The following MACF1 variants were observed in gnomAD, a reference collection of about 807,000 sequenced individuals.
MACF1 encodes the protein microtubule actin crosslinking factor 1, also known as microtubule-actin cross-linking factor 1.
A neutral mutation model predicts 854.8 loss-of-function variants in MACF1; 193 were observed. That is an observed-to-expected ratio of 0.23 (90% confidence interval 0.20 to 0.25). MACF1 has a LOEUF of 0.25. Ranked by LOEUF, MACF1 falls within the 10% of genes least tolerant of loss-of-function variation. The pLI is 1.00. For missense variants in MACF1, 7,722 were observed against 8,929.1 expected (o/e 0.86, Z 5.45); for synonymous variants, 3,185 against 3,226.7 (o/e 0.99, Z 0.44).
Position 39,105,726 on chromosome 1 carries a change from G to C in MACF1, c.220+21288G>C, listed in dbSNP as rs932312514. Reference sequence around the variant, plus strand: ...GCTGGAGCGGTACAAAGGTAGGGCCGGGGACTGGCCGGCGCTGAGGCCCGC... The same window carrying C: ...GCTGGAGCGGTACAAAGGTAGGGCCCGGGACTGGCCGGCGCTGAGGCCCGC... On this transcript the variant is annotated intron_variant, in intron 2 of 93. Coordinates refer to the MACF1 transcript ENST00000361689. This position sits in a 1 kb window ranked among gnomAD's most constrained non-coding sequence, Gnocchi z 5.9. 6 of 1,159,848 alleles carry C rather than the reference G, an allele frequency of 5.2e-6. No homozygotes were observed. Among genetic ancestry groups the C allele is most frequent in the Non-Finnish European group, 6.5e-6 (6 of 918,474 alleles). 71.8% of individuals were successfully genotyped at this position (1,159,848 alleles called of 1,614,324 possible). A position where few individuals can be genotyped will look rare whatever the true frequency, so the allele number is the denominator to read the frequency against.
chr1:39,310,313 T>C lies in MACF1; in HGVS notation c.2985T>C (p.Phe995=), dbSNP rs1206764015. The C allele has an allele frequency of 1.9e-6, 3 of 1,614,058 alleles. No individual in the cohort carries two copies. Among genetic ancestry groups the C allele is most frequent in the Non-Finnish European group, 1.7e-6 (2 of 1,180,024 alleles). Residue 995 remains phenylalanine, a synonymous_variant, in exon 25 of 101, where the codon TTT becomes TTC. Transcript: ENST00000564288. ...ACCTTCAGGCCCACTATGAAGACTT[T>C]CTGCAGGATAGTCGTGACTCTGTGC... ...MKNLQAHYED[F]LQDSRDSVLF...
At chr1:39,130,051 C>T (rs562733717) in intron 2 of MACF1, among the ~76,000 whole-genome samples, 1 of 152,214 alleles carries the variant, frequency 6.6e-6, no homozygotes, top group African/African-American at 2.4e-5. Context: ...ATAGAAAGGC[C>T]CCACTCCATT....
chr1:39,360,052 T>TATATACAC (rs1197982446), intron 47 of MACF1, among the ~76,000 whole-genome samples: 4 of 49,886 alleles, frequency 8.0e-5, no homozygotes, highest in Non-Finnish European at 1.2e-4. Context: ...TATATATATA[T>TATATACAC]ACACACACAC....
In MACF1 at chr1:39,285,378, T is replaced by C. The variant is rs757507144; in HGVS notation, c.1341T>C (p.Asn447=). The change falls in exon 13 of 101, where the codon AAT becomes AAC. Residue 447 remains asparagine, a synonymous_variant. Coordinates refer to ENST00000564288, the MANE Select transcript of MACF1 (RefSeq NM_001394062.1). ...AAGAAAAACTGACACTAGCTAAGAA[T>C]ACACTGCAGGCTGTAAGTCTCTGAC... is the stretch of plus-strand genomic sequence containing the variant. ...NCEEKLTLAK[N]TLQADAAHLE... 1 of 1,613,882 alleles carries C rather than the reference T, an allele frequency of 6.2e-7. No homozygotes were observed. Among genetic ancestry groups the C allele is most frequent in the African/African-American group, 1.3e-5 (1 of 74,924 alleles).
intron 2 of MACF1, among the ~76,000 whole-genome samples, chr1:39,232,746 G>GTTTTTTTTTTT (rs10712180): frequency 1.1e-4 from 14 of 128,482 alleles, no homozygotes; most frequent in South Asian, 2.5e-4. Flanking sequence ...TACTCTCTTT[G>GTTTTTTTTTTT]TTTTTTTTTT....
intron 89 of MACF1, 47 bp downstream of exon 89, chr1:39,455,144 A>G (rs1644410628): frequency 6.4e-7 from 1 of 1,573,950 alleles, no homozygotes; most frequent in Non-Finnish European, 8.7e-7. Flanking sequence ...CGTGTTGGGC[A>G]TGGAGACCAT....
intron 2 of MACF1, among the ~76,000 whole-genome samples, chr1:39,161,530 C>A (rs1052322390): frequency 6.6e-6 from 1 of 151,912 alleles, no homozygotes; most frequent in African/African-American, 2.4e-5. Flanking sequence ...AGTAGCAAAA[C>A]CCTGTCTCTA....
At chr1:39,459,732 A>G (rs1644514582) in intron 91 of MACF1, 3 of 837,356 alleles carry the variant, frequency 3.6e-6, no homozygotes, top group East Asian at 6.3e-5. Flanking sequence ...GTCATTACCC[A>G]GTATAAAAAA....
upstream of MACF1, among the ~76,000 whole-genome samples, chr1:39,200,325 C>T (rs1644373793): frequency 6.6e-6 from 1 of 152,190 alleles, no homozygotes; most frequent in South Asian, 2.1e-4. Flanking sequence ...TGTTGAAAGG[C>T]TTCCAGGACT....
Position 39,095,505 on chromosome 1 carries a change from G to A in MACF1, c.220+11067G>A, listed in dbSNP as rs1394260416. On this transcript the variant is annotated intron_variant, in intron 2 of 93. Transcript: ENST00000361689. The stretch of plus-strand genomic sequence containing the variant: ...TTGAACCCAGGAGGAGGAGGTTGCA[G>A]TGAGCTGAGATCGCGCCACTGCACT... Among the ~76,000 whole-genome samples, 4 of 142,444 alleles carry A rather than the reference G, an allele frequency of 2.8e-5. No individual in the cohort carries two copies. The East Asian group carries it at 8.6e-4, about 30-fold the overall frequency. The allele number at this position is 142,444 out of a possible 152,430, so 93.4% of individuals were successfully genotyped here. A position where few individuals can be genotyped will look rare whatever the true frequency, so the allele number is the denominator to read the frequency against.
intron 58 of MACF1, 72 bp downstream of exon 58, chr1:39,388,730 T>C: frequency 2.1e-6 from 3 of 1,395,590 alleles, no homozygotes; most frequent in South Asian, 2.9e-5. Flanking sequence ...ACCAGTCAAG[T>C]ATACATTTTA....
At position 39,477,045 on chromosome 1, in the gene MACF1, GTATATATATATATATA is replaced by G. The variant is rs745911075; in HGVS notation, c.21959-2722_21959-2707del. On this transcript the variant is annotated intron_variant, in intron 97 of 100. Coordinates refer to ENST00000564288, the MANE Select transcript of MACF1 (RefSeq NM_001394062.1). ...ATACACACACATATATACACTTAGT[GTATATATATATATATA>G]TATATATATATATATATATATATAT... is the stretch of plus-strand genomic sequence containing the variant. Among the ~76,000 whole-genome samples, 130 of 63,742 alleles carry G rather than the reference GTATATATATATATATA, an allele frequency of 2.0e-3. 4 individuals are homozygous for G. The highest frequency in any genetic ancestry group is 9.6e-3 in the Middle Eastern group (1 of 104). The allele number at this position is 63,742 out of a possible 152,430, so 41.8% of individuals were successfully genotyped here.
At chr1:39,183,006 A>G (rs1644124420) in intron 2 of MACF1, among the ~76,000 whole-genome samples, 1 of 152,262 alleles carries the variant, frequency 6.6e-6, no homozygotes, top group Non-Finnish European at 1.5e-5. Context: ...TCCATACAAC[A>G]GAATATTATT....
At chr1:39,099,267 T>G (rs1044009600) in intron 2 of MACF1, among the ~76,000 whole-genome samples, 12 of 152,322 alleles carry the variant, frequency 7.9e-5, no homozygotes, top group Non-Finnish European at 1.8e-4. Flanking sequence ...GCGATTCTCC[T>G]GCCTCAGCCT....
At chr1:39,372,428 A>G (rs745500170) in intron 51 of MACF1, 51 bp from the exon 52 acceptor site, 4 of 1,010,534 alleles carry the variant, frequency 4.0e-6, no homozygotes, top group African/African-American at 1.6e-5. Flanking sequence ...GTCCCTACTT[A>G]TGAGGAAAAA....
At chr1:39,325,028 A>G (rs1439075924) in intron 35 of MACF1, among the ~76,000 whole-genome samples, 4 of 152,254 alleles carry the variant, frequency 2.6e-5, no homozygotes, top group African/African-American at 9.6e-5. Context: ...CTGATAATGT[A>G]GACAAGAAAT....
chr1:39,202,784 C>T (rs1644408317), upstream of MACF1, among the ~76,000 whole-genome samples: 1 of 152,066 alleles, frequency 6.6e-6, no homozygotes, highest in Non-Finnish European at 1.5e-5. Context: ...TATGTAAGTT[C>T]TGTGAGAGCA....
chr1:39,446,936 CAT>C (rs1285875992), intron 80 of MACF1, among the ~76,000 whole-genome samples: 5 of 152,202 alleles, frequency 3.3e-5, no homozygotes, highest in Non-Finnish European at 7.3e-5. Flanking sequence ...TTTTTAGACT[CAT>C]ATTTTCATAT....
At position 39,335,960 on chromosome 1, in the gene MACF1, AG is replaced by A; in HGVS notation, c.9374del (p.Gly3125AlafsTer78). ...AATCAGATGGAAAAGCCCAAGTGAC[AG>A]GCCCATCCCAAATTTCCAAAACAGA... ...QESDGKAQVT[G>X]PSQISKTDKS... On this transcript the variant is annotated frameshift_variant, in exon 37 of 101. Coordinates refer to ENST00000564288, the MANE Select transcript of MACF1 (RefSeq NM_001394062.1). LOFTEE classifies it high-confidence loss of function. The A allele has an allele frequency of 6.2e-7, 1 of 1,614,178 alleles. No individual in the cohort carries two copies. The highest frequency in any genetic ancestry group is 8.5e-7 in the Non-Finnish European group (1 of 1,180,010).
Sources: gnomAD v4.1 joint callset for allele counts (sites outside exome capture counted in the v4.1 genomes callset) on GRCh38, gnomAD v4.1.1 for gene constraint, Gnocchi (gnomAD v3.1) non-coding constraint, MANE v1.5 for transcripts, NCBI Gene and HGNC (gene_info 2026-07-23, HGNC 2026-07-21) for gene names.